ABCG1: variants seen among roughly 807,000 people sequenced by gnomAD.
ABCG1 encodes the protein ATP-binding cassette sub-family G member 1.
In ABCG1, 29 loss-of-function variants were observed where a neutral mutation model predicts 69.2. The ratio of observed to expected loss-of-function variants is 0.42; its 90% CI spans 0.31 to 0.57. ABCG1 has a LOEUF of 0.57. Among genes scored for constraint, ABCG1 ranks in the 20% least tolerant of loss-of-function variants. The probability of loss-of-function intolerance (pLI) is 0.15; values close to 1 mark genes in which losing one functional copy is unlikely to be tolerated. For synonymous variants in ABCG1, 370 were observed against 374.8 expected (o/e 0.99, Z 0.15); for missense variants, 718 against 898.1 (o/e 0.80, Z 2.56).
intron 2 of ABCG1, among the ~76,000 whole-genome samples, chr21:42,262,430 G>A (rs913418353): frequency 1.3e-5 from 2 of 152,194 alleles, no homozygotes; most frequent in Non-Finnish European, 2.9e-5. Context: ...CTGCATCAGC[G>A]CTGCCAGCTA....
intron 6 of ABCG1, among the ~76,000 whole-genome samples, chr21:42,284,355 G>A (rs1254399930): frequency 6.6e-6 from 1 of 151,936 alleles, no homozygotes; most frequent in Non-Finnish European, 1.5e-5. Flanking sequence ...GGAATAAAAT[G>A]CAACATGCAA....
At position 42,296,409 on chromosome 21, in the gene ABCG1, G is replaced by T; in HGVS notation, c.*17G>T. 6.2e-7 allele frequency: 1 copy of T among 1,604,996 alleles called. No homozygotes were observed. The highest frequency in any genetic ancestry group is 1.1e-5 in the South Asian group (1 of 90,748). On this transcript the variant is annotated 3_prime_UTR_variant, in exon 15 of 15. Coordinates refer to ENST00000398449, the MANE Select transcript of ABCG1 (RefSeq NM_016818.3). The surrounding 1 kb of genome is among the most constrained non-coding windows in gnomAD (Gnocchi z 5.4). ...GAGAGGTAAAACACCTGAATGCCAGGAAACAGGAAGATTAGACACTGTGGC... is the reference window on the plus strand; with the variant it reads ...GAGAGGTAAAACACCTGAATGCCAGTAAACAGGAAGATTAGACACTGTGGC...
intron 2 of ABCG1, among the ~76,000 whole-genome samples, chr21:42,257,434 A>C (rs893036468): frequency 6.6e-6 from 1 of 152,210 alleles, no homozygotes; most frequent in Non-Finnish European, 1.5e-5. Context: ...GGTGACTACA[A>C]ACAGTGTTAG....
At chr21:42,202,230 C>T (rs898943715) in intron 2 of ABCG1, among the ~76,000 whole-genome samples, 1 of 152,134 alleles carries the variant, frequency 6.6e-6, no homozygotes, top group Admixed American at 6.5e-5. Context: ...CAGGCTGTTC[C>T]CAGAGACTTG....
chr21:42,238,563 C>T (rs979073435), intron 2 of ABCG1, among the ~76,000 whole-genome samples: 1 of 152,178 alleles, frequency 6.6e-6, no homozygotes, highest in South Asian at 2.1e-4. Context: ...ACTTTCAGAT[C>T]GCTGGATGAC....
At chr21:42,208,314 A>G (rs185822598) in intron 2 of ABCG1, among the ~76,000 whole-genome samples, 2 of 152,158 alleles carry the variant, frequency 1.3e-5, no homozygotes, top group East Asian at 3.9e-4. Flanking sequence ...GCAAAACAAA[A>G]ATCTAGGGAC....
rs2068498759 is a variant in ABCG1 at position 42,266,045 on chromosome 21, T to A, written c.287-5025T>A. ...AGCTGGGTGTGGTGGCTCACATCTG[T>A]AATCCCAGCACTTTGGGAGGCCCAC... is the stretch of plus-strand genomic sequence containing the variant. On this transcript the variant is annotated intron_variant, in intron 2 of 14. Transcript: ENST00000398449. Among the ~76,000 whole-genome samples, 3 of 152,304 alleles carry A rather than the reference T, an allele frequency of 2.0e-5. No individual in the cohort carries two copies. In the South Asian group the frequency reaches 6.2e-4, roughly 32 times the overall value.
intron 2 of ABCG1, among the ~76,000 whole-genome samples, chr21:42,262,450 C>A (rs1467642238): frequency 6.6e-6 from 1 of 152,246 alleles, no homozygotes; most frequent in Non-Finnish European, 1.5e-5. Context: ...ACCCTGCCCA[C>A]ACCTGGGTGG....
At chr21:42,222,576 C>A (rs925075453) in intron 1 of ABCG1, among the ~76,000 whole-genome samples, 1 of 152,198 alleles carries the variant, frequency 6.6e-6, no homozygotes, top group South Asian at 2.1e-4. Context: ...AGCAGGGCCC[C>A]AGCCTGGCCA....
At chr21:42,254,286 G>A (rs139254753) in intron 2 of ABCG1, among the ~76,000 whole-genome samples, 472 of 152,280 alleles carry the variant, frequency 3.1e-3, no homozygotes, top group Non-Finnish European at 5.6e-3. Context: ...CACAGCATCC[G>A]TTCGAAATCC....
chr21:42,231,545 C>A (rs1414621651), intron 2 of ABCG1, among the ~76,000 whole-genome samples: 2 of 152,228 alleles, frequency 1.3e-5, no homozygotes, highest in East Asian at 1.9e-4. Flanking sequence ...ATTTCTATAG[C>A]CATTTCACAA....
In ABCG1 at chr21:42,285,869, C is replaced by T. The variant is rs1481948732; in HGVS notation, c.859-11C>T. The T allele has an allele frequency of 2.5e-6, 4 of 1,603,576 alleles. No homozygotes were observed. The highest frequency in any genetic ancestry group is 3.4e-6 in the Non-Finnish European group (4 of 1,170,996). ...AGGGCTTGATCCCTTTTTCTCCTTC[C>T]TTTTTTCCAGCTTTACGTCCTGAGT... On this transcript the variant is annotated splice_polypyrimidine_tract_variant and intron_variant, in intron 7 of 14. Coordinates refer to ENST00000398449, the MANE Select transcript of ABCG1 (RefSeq NM_016818.3).
At chr21:42,261,707 A>G (rs1055475102) in intron 2 of ABCG1, among the ~76,000 whole-genome samples, 2 of 152,208 alleles carry the variant, frequency 1.3e-5, no homozygotes, top group African/African-American at 4.8e-5. Flanking sequence ...AAGGATGGTG[A>G]AACACGCTGC....
At chr21:42,259,395 T>A in intron 2 of ABCG1, 1 of 1,550,344 alleles carries the variant, frequency 6.5e-7, no homozygotes, top group Non-Finnish European at 8.7e-7. Flanking sequence ...CTGCGTGTCC[T>A]GCAAAATCGA....
chr21:42,263,431 G>A (rs553079508), intron 2 of ABCG1, among the ~76,000 whole-genome samples: 1 of 152,342 alleles, frequency 6.6e-6, no homozygotes, highest in East Asian at 1.9e-4. Flanking sequence ...GGGGACGTGA[G>A]GGAGCTCCTA....
intron 2 of ABCG1, among the ~76,000 whole-genome samples, chr21:42,247,755 C>A (rs170436): frequency 0.028 from 4,246 of 152,264 alleles, 202 homozygotes; most frequent in African/African-American, 0.095. Context: ...AGGACATGAT[C>A]TTACAAGAGA....
chr21:42,253,875 G>A (rs575459728), intron 2 of ABCG1, among the ~76,000 whole-genome samples: 1 of 152,264 alleles, frequency 6.6e-6, no homozygotes, highest in South Asian at 2.1e-4. Flanking sequence ...TCATTTTGGT[G>A]ATATTTATTG....
chr21:42,268,398 C>CGCGT (rs1452560416), intron 2 of ABCG1, among the ~76,000 whole-genome samples: 1 of 133,324 alleles, frequency 7.5e-6, no homozygotes, highest in African/African-American at 2.8e-5. Flanking sequence ...TGCGCGCGCG[C>CGCGT]GCTGGATACT....
At chr21:42,231,171 G>A (rs1019920046) in intron 2 of ABCG1, among the ~76,000 whole-genome samples, 2 of 152,190 alleles carry the variant, frequency 1.3e-5, no homozygotes, top group Non-Finnish European at 2.9e-5. Context: ...CCAGGAAGGG[G>A]AGGCTGATGT....
Sources: gnomAD v4.1 joint callset for allele counts (sites outside exome capture counted in the v4.1 genomes callset) on GRCh38, gnomAD v4.1.1 for gene constraint, Gnocchi (gnomAD v3.1) non-coding constraint, MANE v1.5 for transcripts, NCBI Gene and HGNC (gene_info 2026-07-23, HGNC 2026-07-21) for gene names.